Variants in FOXN2 observed in about 807,000 individuals in gnomAD.
FOXN2 encodes the protein forkhead box protein N2.
A neutral mutation model predicts 41.2 loss-of-function variants in FOXN2; 19 were observed. The observed-to-expected ratio is 0.46, with a 90% CI of 0.32 to 0.68. The LOEUF (loss-of-function observed/expected upper bound fraction) is 0.68, where lower values mean the gene tolerates loss of function less well. FOXN2 is among the 30% of genes least tolerant of loss of function. FOXN2 has a pLI of 0.03. For missense variants in FOXN2, 587 were observed against 509.4 expected (o/e 1.15, Z -1.47); for synonymous variants, 195 against 176.8 (o/e 1.10, Z -0.82).
intron 1 of FOXN2, among the ~76,000 whole-genome samples, chr2:48,323,577 T>A (rs1294513595): frequency 6.6e-6 from 1 of 152,108 alleles, no homozygotes; most frequent in Non-Finnish European, 1.5e-5. Context: ...TTTGATAGAG[T>A]TGTGTTTTTC....
rs1239837664 is a variant in FOXN2, at chr2:48,373,320, G to C, written c.732G>C (p.Met244Ile). 1 of 1,591,778 alleles carries C rather than the reference G, an allele frequency of 6.3e-7. No homozygotes were observed. Among genetic ancestry groups the C allele is most frequent in the Non-Finnish European group, 8.5e-7 (1 of 1,170,398 alleles). Residue 244 changes from methionine (M) to isoleucine (I), a missense_variant, in exon 6 of 7, where the codon ATG becomes ATC. Transcript: ENST00000340553. ...CTGATATTGATGCTGCTGCTGCAATGATGCTTTTAAATACTTCTATAGAAC... is the reference window on the plus strand; with the variant it reads ...CTGATATTGATGCTGCTGCTGCAATCATGCTTTTAAATACTTCTATAGAAC... ...KESDIDAAAA[M>I]MLLNTSIEQG...
At chr2:48,361,867 T>C (rs1456494017) in intron 4 of FOXN2, among the ~76,000 whole-genome samples, 2 of 152,360 alleles carry the variant, frequency 1.3e-5, no homozygotes, top group Admixed American at 6.5e-5. Flanking sequence ...ACCTGTTTGC[T>C]ATCACTACCA....
chr2:48,362,086 A>T (rs1672229995), intron 4 of FOXN2, among the ~76,000 whole-genome samples: 1 of 152,196 alleles, frequency 6.6e-6, no homozygotes, highest in Non-Finnish European at 1.5e-5. Flanking sequence ...TTTACAGATG[A>T]AGAAGCTAAG....
At chr2:48,355,245 G>A (rs1474875141) in intron 3 of FOXN2, among the ~76,000 whole-genome samples, 1 of 152,112 alleles carries the variant, frequency 6.6e-6, no homozygotes, top group Non-Finnish European at 1.5e-5. Flanking sequence ...ATTAATCTGA[G>A]TGTTTTGAAT....
In FOXN2 at chr2:48,373,374, C is replaced by T. The variant is rs780318914; in HGVS notation, c.772+14C>T. ...GAATTTTAGAATGTAAGTAATCATG[C>T]CTTTTTTAAAAAAAAATTTTAGTGC... On this transcript the variant is annotated intron_variant, in intron 6 of 6. Coordinates refer to ENST00000340553, the MANE Select transcript of FOXN2 (RefSeq NM_002158.4). 4 of 1,520,430 alleles carry T rather than the reference C, an allele frequency of 2.6e-6. No individual in the cohort carries two copies. The African/African-American group carries it at 4.3e-5, about 16-fold the overall frequency. 94.2% of individuals were successfully genotyped at this position (1,520,430 alleles called of 1,614,324 possible).
intron 2 of FOXN2, among the ~76,000 whole-genome samples, chr2:48,336,653 G>A (rs1670383310): frequency 6.6e-6 from 1 of 151,790 alleles, no homozygotes; most frequent in Non-Finnish European, 1.5e-5. Context: ...AATTAACATG[G>A]AAAGAGCAGG....
At chr2:48,338,089 A>C (rs951314585) in intron 2 of FOXN2, among the ~76,000 whole-genome samples, 3 of 152,244 alleles carry the variant, frequency 2.0e-5, no homozygotes, top group Non-Finnish European at 4.4e-5. Context: ...AACAAATTTC[A>C]GAGAATTGAT....
chr2:48,318,741 A>C (rs1372513231), intron 1 of FOXN2, among the ~76,000 whole-genome samples: 1 of 152,242 alleles, frequency 6.6e-6, no homozygotes, highest in Admixed American at 6.5e-5. Context: ...CTAAGAATAC[A>C]GTGGTGAGCC....
In FOXN2 at chr2:48,374,454, C is replaced by G. The variant is rs559946092; in HGVS notation, c.773-466C>G. ...TGTTGGGAGTAAATTGGTACAACCA[C>G]TTTGGAGGGCAATTTGAGAATACCA... On this transcript the variant is annotated intron_variant, in intron 6 of 6. Coordinates refer to ENST00000340553, the MANE Select transcript of FOXN2 (RefSeq NM_002158.4). 7.2e-5 allele frequency among the ~76,000 whole-genome samples: 11 copies of G among 152,264 alleles called. 1 individual carries two copies. The South Asian group carries it at 2.3e-3, about 32-fold the overall frequency.
chr2:48,326,094 C>T (rs59412192), intron 1 of FOXN2, among the ~76,000 whole-genome samples: 40,465 of 151,992 alleles, frequency 0.27, 5,654 homozygotes, highest in East Asian at 0.52. Flanking sequence ...AAATGATCTG[C>T]CTGCCTTGGC....
At chr2:48,356,082 C>A (rs1671772927) in intron 3 of FOXN2, among the ~76,000 whole-genome samples, 1 of 152,070 alleles carries the variant, frequency 6.6e-6, no homozygotes, top group Non-Finnish European at 1.5e-5. Flanking sequence ...CAAGATCGTG[C>A]CACTGCATTC....
upstream of FOXN2, among the ~76,000 whole-genome samples, chr2:48,314,469 G>A (rs1668747395): frequency 6.6e-6 from 1 of 152,250 alleles, no homozygotes. Flanking sequence ...CGCCGTGCCA[G>A]GCAGCCAGCC....
chr2:48,331,999 T>C (rs1053960963), intron 2 of FOXN2, among the ~76,000 whole-genome samples: 1 of 152,152 alleles, frequency 6.6e-6, no homozygotes, highest in African/African-American at 2.4e-5. Context: ...TTAAAAGTAT[T>C]ATCTCAAAAA....
chr2:48,369,531 T>TC (rs1236805942), intron 5 of FOXN2, among the ~76,000 whole-genome samples: 1 of 151,994 alleles, frequency 6.6e-6, no homozygotes, highest in East Asian at 1.9e-4. Flanking sequence ...AGAGTGAAAC[T>TC]CCATCTCAAA....
At chr2:48,370,454 CCTGAGGTCTTTGCCCAA>C (rs1672816768) in intron 5 of FOXN2, among the ~76,000 whole-genome samples, 1 of 152,190 alleles carries the variant, frequency 6.6e-6, no homozygotes, top group South Asian at 2.1e-4. Flanking sequence ...TCTTTCTCTC[CCTGAGGTCTTTGCCCAA>C]CTGTAGCCTA....
chr2:48,318,861 C>T (rs1669105837), intron 1 of FOXN2, among the ~76,000 whole-genome samples: 1 of 152,190 alleles, frequency 6.6e-6, no homozygotes, highest in East Asian at 1.9e-4. Context: ...ATTACTGAAG[C>T]CCTGAAAGGC....
chr2:48,375,100 C>G lies in FOXN2; in HGVS notation c.953C>G (p.Ser318Cys), dbSNP rs1673155881. Residue 318 changes from serine to cysteine, a missense_variant, in exon 7 of 7, where the codon TCT becomes TGT. Physicochemically the swap from Ser to Cys is moderately radical, Grantham distance 112. Coordinates refer to ENST00000340553, the MANE Select transcript of FOXN2 (RefSeq NM_002158.4). ...GCAGCACAGCGTTGTGCATCCAGGT[C>G]TAGCGTGTCTTCCCTGTCTTCTGTG... ...SMAAQRCASR[S>C]SVSSLSSVDE... The G allele has an allele frequency of 1.9e-6, 3 of 1,614,074 alleles. No individual in the cohort carries two copies. The highest frequency in any genetic ancestry group is 1.1e-5 in the South Asian group (1 of 91,074).
At chr2:48,340,312 T>C (rs1020483561) in intron 2 of FOXN2, among the ~76,000 whole-genome samples, 2 of 152,226 alleles carry the variant, frequency 1.3e-5, no homozygotes, top group Non-Finnish European at 2.9e-5. Flanking sequence ...TTATGTAGTC[T>C]CTGAAGCATT....
At chr2:48,342,393 G>A (rs1670834687) in intron 2 of FOXN2, among the ~76,000 whole-genome samples, 2 of 148,584 alleles carry the variant, frequency 1.3e-5, no homozygotes, top group East Asian at 1.9e-4. Flanking sequence ...TCGTGGGTTG[G>A]GAAGGGAATA....
Sources: gnomAD v4.1 joint callset for allele counts (sites outside exome capture counted in the v4.1 genomes callset) on GRCh38, gnomAD v4.1.1 for gene constraint, MANE v1.5 for transcripts, NCBI Gene and HGNC (gene_info 2026-07-23, HGNC 2026-07-21) for gene names.